The following RANBP2 variants were observed in gnomAD, a reference collection of about 807,000 sequenced individuals.
RANBP2 encodes E3 SUMO-protein ligase RanBP2.
In RANBP2, 57 loss-of-function variants were observed where a neutral mutation model predicts 303.6. The observed-to-expected ratio is 0.19, with a 90% CI of 0.15 to 0.23. The LOEUF is 0.23. RANBP2 is among the 10% of genes least tolerant of loss of function. RANBP2 has a pLI of 1.00. For missense variants in RANBP2, 3,138 were observed against 3,780.8 expected (o/e 0.83, Z 4.46); for synonymous variants, 1,167 against 1,301.5 (o/e 0.90, Z 2.23).
rs1000294732 is a variant in RANBP2, at chr2:108,769,434, GTACT to G, written c.7849+1050_7849+1053del. 1.2e-5 allele frequency: 11 copies of G among 915,866 alleles called. No homozygotes were observed. In the Admixed American group the frequency reaches 6.9e-4, roughly 57 times the overall value. 56.7% of individuals were successfully genotyped at this position (915,866 alleles called of 1,614,324 possible). ...AATAACTGTGGCTGTATGAAATGAAGTACTTACCACTACAACATGCATGTTAAAG... is the reference window on the plus strand; with the variant it reads ...AATAACTGTGGCTGTATGAAATGAAGTACCACTACAACATGCATGTTAAAG... On this transcript the variant is annotated intron_variant, in intron 20 of 28. Transcript: ENST00000283195.
the RANBP2 span, among the ~76,000 whole-genome samples, chr2:109,461,111 A>C: frequency 6.6e-6 from 1 of 152,220 alleles, no homozygotes; most frequent in Admixed American, 6.5e-5. Flanking sequence ...TTCCTCATGT[A>C]ACTTACTGGT....
chr2:108,807,731 C>A, the RANBP2 span, among the ~76,000 whole-genome samples: 1 of 152,276 alleles, frequency 6.6e-6, no homozygotes, highest in Admixed American at 6.5e-5. Flanking sequence ...GATTCTCCTG[C>A]CTCAGCCTCC....
chr2:109,218,022 C>T, the RANBP2 span, among the ~76,000 whole-genome samples: 4 of 152,164 alleles, frequency 2.6e-5, no homozygotes, highest in Non-Finnish European at 5.9e-5. Flanking sequence ...TGGATGGAAC[C>T]AGGTGCCACA....
chr2:109,388,835 T>G, the RANBP2 span, among the ~76,000 whole-genome samples: 1 of 103,696 alleles, frequency 9.6e-6, no homozygotes, highest in Non-Finnish European at 2.1e-5. Flanking sequence ...AGAGAGAGAC[T>G]AGAGAGAAGG....
At chr2:109,703,131 A>T in the RANBP2 span, among the ~76,000 whole-genome samples, 1 of 152,204 alleles carries the variant, frequency 6.6e-6, no homozygotes, top group Non-Finnish European at 1.5e-5. Context: ...AAAAATAAAT[A>T]CATATTAACC....
the RANBP2 span, among the ~76,000 whole-genome samples, chr2:109,520,020 A>G: frequency 6.6e-6 from 1 of 152,224 alleles, no homozygotes; most frequent in Non-Finnish European, 1.5e-5. Context: ...ATGGAAATAA[A>G]TACCGGTGTG....
At chr2:109,107,072 G>A in the RANBP2 span, among the ~76,000 whole-genome samples, 850 of 151,724 alleles carry the variant, frequency 5.6e-3, 8 homozygotes, top group Non-Finnish European at 6.7e-3. Flanking sequence ...CAAGTAGCTG[G>A]GATTACAGGC....
chr2:109,364,807 G>C, the RANBP2 span, among the ~76,000 whole-genome samples: 1 of 152,236 alleles, frequency 6.6e-6, no homozygotes, highest in African/African-American at 2.4e-5. Context: ...AACCCCAATG[G>C]GGGCCAGATG....
chr2:108,983,517 T>G, the RANBP2 span, among the ~76,000 whole-genome samples: 3 of 152,296 alleles, frequency 2.0e-5, no homozygotes, highest in Admixed American at 6.5e-5. Context: ...TCCACTTTCC[T>G]GTATTCATCA....
chr2:108,991,132 GT>G, the RANBP2 span, among the ~76,000 whole-genome samples: 1 of 152,128 alleles, frequency 6.6e-6, no homozygotes, highest in African/African-American at 2.4e-5. Context: ...AGCCAAGGGA[GT>G]TTTTTCCTCT....
the RANBP2 span, among the ~76,000 whole-genome samples, chr2:109,089,551 A>G: frequency 3.9e-5 from 6 of 152,276 alleles, no homozygotes; most frequent in East Asian, 1.2e-3. Context: ...AGCTTCAGTG[A>G]GCTGTGATGG....
At chr2:109,199,330 A>ATAAAATAAATAAAATAAAATAAAAT in the RANBP2 span, among the ~76,000 whole-genome samples, 12 of 150,568 alleles carry the variant, frequency 8.0e-5, no homozygotes, top group South Asian at 2.1e-4. Flanking sequence ...TCAAAAAGTA[A>ATAAAATAAATAAAATAAAATAAAAT]AATGGAATGG....
chr2:109,183,454 C>T, the RANBP2 span, among the ~76,000 whole-genome samples: 2 of 152,196 alleles, frequency 1.3e-5, no homozygotes, highest in Admixed American at 1.3e-4. Context: ...TCAACTCCCA[C>T]ACAGTAAAGA....
the RANBP2 span, among the ~76,000 whole-genome samples, chr2:109,760,131 T>C: frequency 3.7e-5 from 5 of 135,714 alleles, no homozygotes; most frequent in African/African-American, 8.4e-5. Flanking sequence ...TATAAGTGAA[T>C]TATGTAGGCA....
the RANBP2 span, among the ~76,000 whole-genome samples, chr2:109,525,769 A>G: frequency 5.9e-5 from 9 of 152,276 alleles, no homozygotes; most frequent in Middle Eastern, 3.4e-3. Context: ...TCCCTAAATC[A>G]TTGATGCGTT....
At chr2:109,279,363 C>T in the RANBP2 span, among the ~76,000 whole-genome samples, 5 of 152,206 alleles carry the variant, frequency 3.3e-5, no homozygotes, top group Non-Finnish European at 5.9e-5. Context: ...TAGGCTAAAT[C>T]GGCAGTGGCA....
At chr2:108,922,942 G>A in the RANBP2 span, among the ~76,000 whole-genome samples, 2 of 152,154 alleles carry the variant, frequency 1.3e-5, no homozygotes, top group Non-Finnish European at 2.9e-5. Flanking sequence ...TTCATTAATT[G>A]TGATCACATT....
At chr2:109,194,666 G>A in the RANBP2 span, among the ~76,000 whole-genome samples, 108 of 152,326 alleles carry the variant, frequency 7.1e-4, no homozygotes, top group African/African-American at 2.5e-3. Flanking sequence ...TTGGTGATCA[G>A]CAGAGCTTAG....
At chr2:109,646,243 G>A in the RANBP2 span, among the ~76,000 whole-genome samples, 16 of 152,290 alleles carry the variant, frequency 1.1e-4, no homozygotes, top group African/African-American at 3.4e-4. Context: ...TAGGACCAGG[G>A]TCAGGTGTGT....
Sources: gnomAD v4.1 joint callset for allele counts (sites outside exome capture counted in the v4.1 genomes callset) on GRCh38, gnomAD v4.1.1 for gene constraint, MANE v1.5 for transcripts, NCBI Gene and HGNC (gene_info 2026-07-23, HGNC 2026-07-21) for gene names.